PPHLN1: variants seen among roughly 807,000 people sequenced by gnomAD.
PPHLN1 encodes the protein periphilin 1, also known as periphilin-1.
PPHLN1 carries 29 observed loss-of-function variants against 51.3 expected under a neutral mutation model. The ratio of observed to expected loss-of-function variants is 0.57; its 90% CI spans 0.42 to 0.77. The LOEUF is 0.77. PPHLN1 is among the 30% of genes least tolerant of loss of function. PPHLN1 has a pLI of 0.00. For missense variants in PPHLN1, 436 were observed against 438.4 expected, an observed-to-expected ratio of 0.99 and a Z score of 0.05; for synonymous variants, 147 against 147.8, an observed-to-expected ratio of 0.99 and a Z score of 0.04.
At chr12:42,430,802 G>A (rs2081972480) in intron 9 of PPHLN1, among the ~76,000 whole-genome samples, 3 of 152,204 alleles carry the variant, frequency 2.0e-5, no homozygotes, top group Middle Eastern at 6.8e-3. Flanking sequence ...CCAATACACT[G>A]TGTTATCTCT....
intron 9 of PPHLN1, among the ~76,000 whole-genome samples, chr12:42,437,336 A>G (rs750468763): frequency 1.3e-5 from 2 of 152,094 alleles, no homozygotes; most frequent in Admixed American, 6.5e-5. Context: ...TCTTTCCATC[A>G]TCATCACTAT....
chr12:42,342,927 C>T (rs1371805753), intron 2 of PPHLN1, among the ~76,000 whole-genome samples: 1 of 152,086 alleles, frequency 6.6e-6, no homozygotes, highest in Non-Finnish European at 1.5e-5. Context: ...TAATTCTTGT[C>T]ATTGTTTATT....
chr12:42,363,214 C>G (rs968182230), intron 4 of PPHLN1, among the ~76,000 whole-genome samples: 1 of 152,118 alleles, frequency 6.6e-6, no homozygotes, highest in Non-Finnish European at 1.5e-5. Flanking sequence ...AATTCCAGAC[C>G]TGACACCAGT....
At chr12:42,435,434 C>T (rs2406971) in intron 9 of PPHLN1, among the ~76,000 whole-genome samples, 24,757 of 152,130 alleles carry the variant, frequency 0.16, 2,066 homozygotes, top group Admixed American at 0.2. Flanking sequence ...GGGGCTGCAG[C>T]TTTGAGGAGG....
At chr12:42,398,335 A>G (rs1303440819) in intron 8 of PPHLN1, among the ~76,000 whole-genome samples, 1 of 152,220 alleles carries the variant, frequency 6.6e-6, no homozygotes, top group Admixed American at 6.5e-5. Flanking sequence ...GCCTTTTCTC[A>G]TATTCCCTTT....
intron 9 of PPHLN1, among the ~76,000 whole-genome samples, chr12:42,438,791 T>C (rs1377986047): frequency 6.6e-6 from 1 of 152,032 alleles, no homozygotes; most frequent in Non-Finnish European, 1.5e-5. Flanking sequence ...TTAGTAGAGA[T>C]GGGGGTTTCA....
At chr12:42,420,661 T>TCCCCCCCCCCCCCCCCCCCCCCCCCCC (rs1565996290) in intron 9 of PPHLN1, among the ~76,000 whole-genome samples, 2 of 61,142 alleles carry the variant, frequency 3.3e-5, no homozygotes, top group African/African-American at 1.4e-4. Flanking sequence ...CTTCCCTCCT[T>TCCCCCCCCCCCCCCCCCCCCCCCCCCC]CCCTCCCGCC....
At chr12:42,378,027 A>C (rs2076414301) in intron 5 of PPHLN1, among the ~76,000 whole-genome samples, 1 of 152,216 alleles carries the variant, frequency 6.6e-6, no homozygotes, top group African/African-American at 2.4e-5. Flanking sequence ...AATATGGGGT[A>C]AATTGAATGA....
At chr12:42,439,894 A>G (rs1323493540) in intron 9 of PPHLN1, among the ~76,000 whole-genome samples, 1 of 151,994 alleles carries the variant, frequency 6.6e-6, no homozygotes, top group African/African-American at 2.4e-5. Flanking sequence ...ATTCATTATT[A>G]TGGGTTTCCT....
intron 9 of PPHLN1, among the ~76,000 whole-genome samples, chr12:42,417,920 GTTTTTTTTTTTGT>G (rs549193979): frequency 0.086 from 8,767 of 102,284 alleles, 377 homozygotes; most frequent in Middle Eastern, 0.13. Context: ...AAAAGCCCTA[GTTTTTTTTTTTGT>G]TTTTTTTTTG....
At chr12:42,359,831 G>A (rs12315669) in intron 4 of PPHLN1, among the ~76,000 whole-genome samples, 149 of 152,254 alleles carry the variant, frequency 9.8e-4, no homozygotes, top group African/African-American at 3.4e-3. Context: ...AAATTGACCA[G>A]GTGTGATGGC....
downstream of PPHLN1, chr12:42,442,612 A>G (rs771475849): frequency 1.9e-6 from 3 of 1,613,578 alleles, no homozygotes; most frequent in East Asian, 2.2e-5. Flanking sequence ...CTGCGTCTGA[A>G]TACTCCTTTC....
intron 4 of PPHLN1, among the ~76,000 whole-genome samples, chr12:42,357,227 T>G (rs2074139479): frequency 6.6e-6 from 1 of 151,664 alleles, no homozygotes; most frequent in African/African-American, 2.4e-5. Context: ...TTCAATTTGG[T>G]TCCAGTCAAA....
intron 3 of PPHLN1, among the ~76,000 whole-genome samples, chr12:42,354,746 G>T (rs1592335911): frequency 6.6e-6 from 1 of 152,098 alleles, no homozygotes; most frequent in South Asian, 2.1e-4. Context: ...TAAAACTTGA[G>T]CAGGAAAAAT....
At chr12:42,423,571 G>A (rs1592920262) in intron 9 of PPHLN1, among the ~76,000 whole-genome samples, 2 of 152,130 alleles carry the variant, frequency 1.3e-5, no homozygotes, top group East Asian at 3.8e-4. Flanking sequence ...ATTTCTATAT[G>A]ATGAGCTGAA....
At chr12:42,335,119 T>G (rs3827524) in intron 1 of PPHLN1, among the ~76,000 whole-genome samples, 42,569 of 152,046 alleles carry the variant, frequency 0.28, 7,311 homozygotes, top group Non-Finnish European at 0.38. Flanking sequence ...AGTTTCTATT[T>G]TCATCTCTTC....
intron 4 of PPHLN1, among the ~76,000 whole-genome samples, chr12:42,356,943 CTG>C (rs1003377911): frequency 5.3e-5 from 8 of 152,130 alleles, no homozygotes; most frequent in African/African-American, 1.9e-4. Flanking sequence ...AGTCTATAGA[CTG>C]TAAGAACTAT....
intron 9 of PPHLN1, among the ~76,000 whole-genome samples, chr12:42,428,364 G>A (rs557819475): frequency 6.6e-6 from 1 of 152,300 alleles, no homozygotes; most frequent in East Asian, 1.9e-4. Context: ...CAACCCAAAT[G>A]TCCATCAGTC....
chr12:42,435,573 A>G (rs916360059), intron 9 of PPHLN1, among the ~76,000 whole-genome samples: 7 of 152,224 alleles, frequency 4.6e-5, no homozygotes, highest in African/African-American at 1.7e-4. Context: ...TTTAATATCA[A>G]TGTGTTATCG....
Sources: gnomAD v4.1 joint callset for allele counts (sites outside exome capture counted in the v4.1 genomes callset) on GRCh38, gnomAD v4.1.1 for gene constraint, MANE v1.5 for transcripts, NCBI Gene and HGNC (gene_info 2026-07-23, HGNC 2026-07-21) for gene names.